The following SLC35F1 variants were observed in gnomAD, a reference collection of about 807,000 sequenced individuals.
SLC35F1 encodes chromosome 6 open reading frame 169.
Under a neutral mutation model 48.7 loss-of-function variants are expected in SLC35F1, and 14 were observed. The ratio of observed to expected loss-of-function variants is 0.29; its 90% confidence interval spans 0.19 to 0.45. SLC35F1 has a LOEUF of 0.45. Ranked by LOEUF, SLC35F1 falls within the 20% of genes least tolerant of loss-of-function variation. The probability of loss-of-function intolerance (pLI) is 1.00; values close to 1 mark genes in which losing one functional copy is unlikely to be tolerated. For synonymous variants in SLC35F1, 190 were observed against 202.2 expected (o/e 0.94, Z 0.51); for missense variants, 404 against 500.0 (o/e 0.81, Z 1.83).
chr6:118,056,487 A>C (rs1037220594), intron 1 of SLC35F1, among the ~76,000 whole-genome samples: 1 of 152,242 alleles, frequency 6.6e-6, no homozygotes, highest in Admixed American at 6.5e-5. Context: ...TGCCAGAAGA[A>C]GTAAGTCCCC....
In SLC35F1 at chr6:117,999,025, C is replaced by G; in HGVS notation, c.173+91126C>G. The G allele has an allele frequency of 3.5e-6, 5 of 1,447,246 alleles. No homozygotes were observed. The Admixed American group carries it at 8.4e-5, about 24-fold the overall frequency. 89.7% of individuals were successfully genotyped at this position (1,447,246 alleles called of 1,614,324 possible). A position where few individuals can be genotyped will look rare whatever the true frequency, so the allele number is the denominator to read the frequency against. ...CACACAACCAGTCCCGAAAATGGCACAGAAATGGTATCAAGAAACCCCGAT... is the reference window on the plus strand; with the variant it reads ...CACACAACCAGTCCCGAAAATGGCAGAGAAATGGTATCAAGAAACCCCGAT... On this transcript the variant is annotated intron_variant, in intron 1 of 7. Transcript: ENST00000360388.
At chr6:118,079,712 A>G (rs947575249) in intron 1 of SLC35F1, among the ~76,000 whole-genome samples, 1 of 152,124 alleles carries the variant, frequency 6.6e-6, no homozygotes, top group Non-Finnish European at 1.5e-5. Context: ...CTGGTTGAAT[A>G]TGGGTACTTA....
intron 5 of SLC35F1, 60 bp downstream of exon 5, chr6:118,275,675 A>AT: frequency 1.3e-6 from 2 of 1,534,798 alleles, no homozygotes; most frequent in Non-Finnish European, 1.8e-6. Flanking sequence ...TATTCTTACA[A>AT]TTTTTGTTCT....
At chr6:117,912,022 CAT>C (rs143839454) in intron 1 of SLC35F1, among the ~76,000 whole-genome samples, 390 of 152,320 alleles carry the variant, frequency 2.6e-3, no homozygotes, top group African/African-American at 8.9e-3. Flanking sequence ...TCTTTTCCCA[CAT>C]GAGTATTATT....
Position 118,161,367 on chromosome 6 carries a change from G to A in SLC35F1, c.349+6747G>A, listed in dbSNP as rs147975682. 7.9e-5 allele frequency among the ~76,000 whole-genome samples: 12 copies of A among 152,118 alleles called. No homozygotes were observed. The East Asian group carries it at 2.1e-3, about 27-fold the overall frequency. ...GGATTTTCTCAGAGCAGAAGCCCGA[G>A]TTCTGCTCACTCACAGCCCAGTTCT... On this transcript the variant is annotated intron_variant, in intron 2 of 7. Coordinates refer to ENST00000360388, the MANE Select transcript of SLC35F1 (RefSeq NM_001029858.4).
chr6:118,172,422 C>G (rs887709794), intron 2 of SLC35F1, among the ~76,000 whole-genome samples: 7 of 152,048 alleles, frequency 4.6e-5, no homozygotes, highest in Non-Finnish European at 8.8e-5. Context: ...TTATTAACGT[C>G]TCATCCAAAA....
At chr6:118,221,802 C>A (rs1417566704) in intron 2 of SLC35F1, among the ~76,000 whole-genome samples, 1 of 152,142 alleles carries the variant, frequency 6.6e-6, no homozygotes, top group East Asian at 1.9e-4. Context: ...TGAATCCAGT[C>A]TCAGATGTTA....
In SLC35F1 at chr6:118,049,076, T is replaced by G. The variant is rs563229534; in HGVS notation, c.174-105369T>G. 6.6e-5 allele frequency among the ~76,000 whole-genome samples: 10 copies of G among 152,296 alleles called. No individual in the cohort carries two copies. In the East Asian group the frequency reaches 1.7e-3, roughly 26 times the overall value. ...ATAATGCCGCATATCTACAACCATC[T>G]GATCTTTGACAAACCTGACAAAAAC... is the stretch of plus-strand genomic sequence containing the variant. On this transcript the variant is annotated intron_variant, in intron 1 of 7. Transcript: ENST00000360388.
intron 1 of SLC35F1, among the ~76,000 whole-genome samples, chr6:118,022,690 A>G (rs978908203): frequency 2.0e-5 from 3 of 152,030 alleles, no homozygotes; most frequent in African/African-American, 7.2e-5. Flanking sequence ...AGTGCTGAGC[A>G]CTTGTCAGGG....
In SLC35F1 at chr6:118,091,973, G is replaced by T. The variant is rs987785548; in HGVS notation, c.174-62472G>T. ...TTGAACTTGAGAGAGATGATTTAGG[G>T]TATCTGGCAGAAGAAATTTCTAAGT... On this transcript the variant is annotated intron_variant, in intron 1 of 7. Transcript: ENST00000360388. Among the ~76,000 whole-genome samples, 6 of 152,138 alleles carry T rather than the reference G, an allele frequency of 3.9e-5. No homozygotes were observed. In the East Asian group the frequency reaches 1.2e-3, roughly 29 times the overall value.
intron 1 of SLC35F1, among the ~76,000 whole-genome samples, chr6:117,998,382 C>G (rs1777033546): frequency 1.3e-5 from 2 of 151,834 alleles, no homozygotes; most frequent in South Asian, 4.2e-4. Context: ...AGAAAGTTAA[C>G]AAGGATACCC....
chr6:118,233,979 A>T (rs1431865275), intron 2 of SLC35F1, among the ~76,000 whole-genome samples: 1 of 152,186 alleles, frequency 6.6e-6, no homozygotes, highest in East Asian at 1.9e-4. Flanking sequence ...GACAGTCTGT[A>T]TGTAACTGAA....
chr6:118,264,012 C>A (rs2114617043), intron 3 of SLC35F1, among the ~76,000 whole-genome samples: 1 of 152,346 alleles, frequency 6.6e-6, no homozygotes, highest in African/African-American at 2.4e-5. Context: ...GACATAACTT[C>A]TGCTGATACT....
At chr6:118,104,107 CCCTTCCCTTCCCTTCCTTTCCCTTT>C (rs1184786879) in intron 1 of SLC35F1, among the ~76,000 whole-genome samples, 5 of 151,526 alleles carry the variant, frequency 3.3e-5, no homozygotes, top group Non-Finnish European at 5.9e-5. Context: ...CCCTTCCCTT[CCCTTCCCTTCCCTTCCTTTCCCTTT>C]CCTTCCCTTC....
At chr6:118,245,723 C>T (rs1186377202) in intron 3 of SLC35F1, among the ~76,000 whole-genome samples, 1 of 152,182 alleles carries the variant, frequency 6.6e-6, no homozygotes, top group African/African-American at 2.4e-5. Context: ...TCCAGCAACA[C>T]AGGAGCTGAG....
intron 1 of SLC35F1, among the ~76,000 whole-genome samples, chr6:118,030,042 A>G (rs1308447290): frequency 6.6e-6 from 1 of 152,124 alleles, no homozygotes; most frequent in East Asian, 1.9e-4. Flanking sequence ...AAGGAGATAC[A>G]AGGTGTCGAA....
At chr6:118,243,770 T>G (rs1183806920) in intron 3 of SLC35F1, among the ~76,000 whole-genome samples, 1 of 152,194 alleles carries the variant, frequency 6.6e-6, no homozygotes, top group African/African-American at 2.4e-5. Context: ...TAGAAACGGG[T>G]CCCAGGAGCT....
intron 1 of SLC35F1, among the ~76,000 whole-genome samples, chr6:118,133,686 G>T (rs1318193446): frequency 6.6e-6 from 1 of 152,176 alleles, no homozygotes; most frequent in African/African-American, 2.4e-5. Context: ...GTAATGCAGA[G>T]ATCCAGAACA....
intron 1 of SLC35F1, among the ~76,000 whole-genome samples, chr6:118,084,088 T>C (rs908903231): frequency 1.2e-4 from 18 of 152,230 alleles, no homozygotes; most frequent in Non-Finnish European, 2.1e-4. Flanking sequence ...AGCTGAGTTT[T>C]AGTTTAAGTG....
Sources: gnomAD v4.1 joint callset for allele counts (sites outside exome capture counted in the v4.1 genomes callset) on GRCh38, gnomAD v4.1.1 for gene constraint, MANE v1.5 for transcripts, NCBI Gene and HGNC (gene_info 2026-07-23, HGNC 2026-07-21) for gene names.